Variants in KLHL14 observed in about 807,000 individuals in gnomAD.
The protein encoded by KLHL14 is kelch-like protein 14.
KLHL14 carries 22 observed loss-of-function variants against 64.3 expected under a neutral mutation model. The ratio of observed to expected loss-of-function variants is 0.34; its 90% confidence interval spans 0.24 to 0.49. The LOEUF (loss-of-function observed/expected upper bound fraction) is 0.49. Among genes scored for constraint, KLHL14 ranks in the 20% least tolerant of loss-of-function variants. The pLI is 0.99. For synonymous variants in KLHL14, 322 were observed against 333.4 expected (o/e 0.97, Z 0.37); for missense variants, 661 against 789.0 (o/e 0.84, Z 1.94).
Position 32,673,168 on chromosome 18 carries a change from T to C in KLHL14, c.*1489A>G, listed in dbSNP as rs985806912. 6.6e-6 allele frequency: 1 copy of C among 152,584 alleles called. No individual in the cohort carries two copies. Among genetic ancestry groups the C allele is most frequent in the Non-Finnish European group, 1.5e-5 (1 of 68,016 alleles). 9.5% of individuals were successfully genotyped at this position (152,584 alleles called of 1,614,324 possible). A position where few individuals can be genotyped will look rare whatever the true frequency, so the allele number is the denominator to read the frequency against. On this transcript the variant is annotated 3_prime_UTR_variant, in exon 9 of 9. Coordinates refer to ENST00000359358, the MANE Select transcript of KLHL14 (RefSeq NM_020805.3). ...AATACAAAAACAACGAAGATTGCAC[T>C]TTACTGTAGAAACGGCATCGGATTC...
intron 3 of KLHL14, among the ~76,000 whole-genome samples, chr18:32,740,186 C>T (rs1303251687): frequency 6.6e-6 from 1 of 152,112 alleles, no homozygotes; most frequent in Non-Finnish European, 1.5e-5. Context: ...AGTAAGGTGA[C>T]CATATGTTCC....
intron 8 of KLHL14, 149 bp downstream of exon 8, chr18:32,677,024 C>T: frequency 1.2e-6 from 1 of 840,688 alleles, no homozygotes; most frequent in African/African-American, 1.7e-5. Context: ...CCAGGCTGAT[C>T]CTATTTTACT....
chr18:32,704,025 G>A (rs2144493581), intron 3 of KLHL14, among the ~76,000 whole-genome samples: 1 of 152,146 alleles, frequency 6.6e-6, no homozygotes, highest in African/African-American at 2.4e-5. Context: ...ATTTTTCTGG[G>A]AGAAAGTATC....
chr18:32,743,886 T>G (rs1367347050), intron 2 of KLHL14: 3 of 152,230 alleles, frequency 2.0e-5, no homozygotes, highest in Non-Finnish European at 2.9e-5. Context: ...TTTTTTCTTA[T>G]TGTAGTTTTT....
At chr18:32,687,787 G>T (rs1458082920) in intron 4 of KLHL14, among the ~76,000 whole-genome samples, 3 of 152,168 alleles carry the variant, frequency 2.0e-5, no homozygotes, top group African/African-American at 4.8e-5. Context: ...TTTCCCACGT[G>T]TCCCCAGCCC....
intron 2 of KLHL14, among the ~76,000 whole-genome samples, chr18:32,768,804 T>C (rs2050360850): frequency 6.6e-6 from 1 of 152,128 alleles, no homozygotes; most frequent in Admixed American, 6.5e-5. Flanking sequence ...CATTTCTAAC[T>C]AGCAACAACA....
chr18:32,713,749 T>A (rs2050031617), intron 3 of KLHL14, among the ~76,000 whole-genome samples: 1 of 152,216 alleles, frequency 6.6e-6, no homozygotes, highest in Non-Finnish European at 1.5e-5. Context: ...TAATAGTTTT[T>A]AATAGTAGTA....
intron 2 of KLHL14, among the ~76,000 whole-genome samples, chr18:32,746,420 C>T (rs535912167): frequency 9.2e-5 from 14 of 152,256 alleles, no homozygotes; most frequent in African/African-American, 3.4e-4. Flanking sequence ...TGCATACATA[C>T]TTTGGTTCCC....
At chr18:32,739,988 C>T (rs753571791) in intron 3 of KLHL14, among the ~76,000 whole-genome samples, 3 of 152,106 alleles carry the variant, frequency 2.0e-5, no homozygotes, top group Non-Finnish European at 4.4e-5. Context: ...GATTTATAAA[C>T]ACAATTTTTA....
At chr18:32,722,588 C>CCACAA (rs1292548258) in intron 3 of KLHL14, among the ~76,000 whole-genome samples, 2 of 152,108 alleles carry the variant, frequency 1.3e-5, no homozygotes, top group Non-Finnish European at 2.9e-5. Context: ...ATGAATGTGT[C>CCACAA]CACAACACAA....
At chr18:32,726,228 T>C (rs951896779) in intron 3 of KLHL14, among the ~76,000 whole-genome samples, 1 of 152,222 alleles carries the variant, frequency 6.6e-6, no homozygotes, top group Non-Finnish European at 1.5e-5. Context: ...AGCTGAGTAG[T>C]TGTGACAGAG....
At position 32,683,524 on chromosome 18, in the gene KLHL14, A is replaced by G. The variant is rs139919330; in HGVS notation, c.1239-2925T>C. 8.5e-5 allele frequency among the ~76,000 whole-genome samples: 13 copies of G among 152,236 alleles called. No homozygotes were observed. Among genetic ancestry groups the G allele is most frequent in the South Asian group, 2.1e-4 (1 of 4,816 alleles). On this transcript the variant is annotated intron_variant, in intron 5 of 8. Transcript: ENST00000359358. This position sits in a 1 kb window ranked among gnomAD's most constrained non-coding sequence, Gnocchi z 4.2. ...CTCTTCGCCACATGAAGAACATATA[A>G]GGTTCAGGCTATTTTATTTTGGGGG...
chr18:32,718,553 A>G (rs2050057957), intron 3 of KLHL14, among the ~76,000 whole-genome samples: 1 of 152,212 alleles, frequency 6.6e-6, no homozygotes, highest in South Asian at 2.1e-4. Flanking sequence ...GAGCCCAGAT[A>G]CTAAACATCA....
rs147234063 is a variant in KLHL14, at chr18:32,766,484, C to G, written c.947+3161G>C. Among the ~76,000 whole-genome samples, 3 of 152,042 alleles carry G rather than the reference C, an allele frequency of 2.0e-5. No homozygotes were observed. The East Asian group carries it at 5.8e-4, about 29-fold the overall frequency. ...CCATCACCTCACCTCTTTATCATTT[C>G]TTTGTGTTGAGAATGTTTCAAATCT... On this transcript the variant is annotated intron_variant, in intron 2 of 8. Coordinates refer to ENST00000359358, the MANE Select transcript of KLHL14 (RefSeq NM_020805.3).
Position 32,683,643 on chromosome 18 carries a change from C to T in KLHL14, c.1239-3044G>A, listed in dbSNP as rs116360010. Among the ~76,000 whole-genome samples the T allele has an allele frequency of 4.6e-3, 703 of 152,254 alleles. 7 individuals carry two copies. Among genetic ancestry groups the T allele is most frequent in the African/African-American group, 0.015 (609 of 41,558 alleles). On this transcript the variant is annotated intron_variant, in intron 5 of 8. Coordinates refer to ENST00000359358, the MANE Select transcript of KLHL14 (RefSeq NM_020805.3). The surrounding 1 kb of genome is among the most constrained non-coding windows in gnomAD (Gnocchi z 4.2). ...CTCTCCCTCCTTCAGCCTCCCCTGC[C>T]CCCACTGCCAGAAGCAATATTCAGT...
At position 32,771,932 on chromosome 18, in the gene KLHL14, C is replaced by G. The variant is rs547032608; in HGVS notation, c.-44+735G>C. On this transcript the variant is annotated intron_variant, in intron 1 of 8. Transcript: ENST00000359358. ...CCCCACTCGGGCACCCCCACTTCCCCGGCCCTGGAACTACTTCTGTAAAAA... is the reference window on the plus strand; with the variant it reads ...CCCCACTCGGGCACCCCCACTTCCCGGGCCCTGGAACTACTTCTGTAAAAA... 441 of 166,158 alleles carry G rather than the reference C, an allele frequency of 2.7e-3. 4 individuals are homozygous for G. The highest frequency in any genetic ancestry group is 0.01 in the African/African-American group (429 of 41,640). The allele number at this position is 166,158 out of a possible 1,614,324, so 10.3% of individuals were successfully genotyped here.
intron 4 of KLHL14, among the ~76,000 whole-genome samples, chr18:32,693,446 A>AGAGAGAGAGG (rs2049921821): frequency 7.0e-6 from 1 of 142,594 alleles, no homozygotes; most frequent in African/African-American, 2.5e-5. Flanking sequence ...AGAGAGAGAG[A>AGAGAGAGAGG]GAGAGCACTC....
At chr18:32,706,539 T>C (rs1353642486) in intron 3 of KLHL14, among the ~76,000 whole-genome samples, 1 of 152,222 alleles carries the variant, frequency 6.6e-6, no homozygotes, top group Non-Finnish European at 1.5e-5. Context: ...TATTTGCCAC[T>C]TCTCCAGTGT....
intron 3 of KLHL14, among the ~76,000 whole-genome samples, chr18:32,712,237 G>C (rs1305198887): frequency 6.6e-6 from 1 of 152,160 alleles, no homozygotes; most frequent in Non-Finnish European, 1.5e-5. Flanking sequence ...TGTCCTAAAT[G>C]ACTATTTCAC....
Sources: gnomAD v4.1 joint callset for allele counts (sites outside exome capture counted in the v4.1 genomes callset) on GRCh38, gnomAD v4.1.1 for gene constraint, Gnocchi (gnomAD v3.1) non-coding constraint, MANE v1.5 for transcripts, NCBI Gene and HGNC (gene_info 2026-07-23, HGNC 2026-07-21) for gene names.